POLR3B: variants seen among roughly 807,000 people sequenced by gnomAD.
POLR3B encodes RNA polymerase III subunit B.
In POLR3B, 96 loss-of-function variants were observed where a neutral mutation model predicts 147.4. That is an observed-to-expected ratio of 0.65 (90% CI 0.55 to 0.77). POLR3B has a LOEUF of 0.77. POLR3B is among the 30% of genes least tolerant of loss of function. The pLI, the probability that POLR3B is intolerant of heterozygous loss-of-function variation, is 0.00. For missense variants in POLR3B, 1,036 were observed against 1,413.5 expected, an observed-to-expected ratio of 0.73 and a Z score of 4.28; for synonymous variants, 461 against 485.9, an observed-to-expected ratio of 0.95 and a Z score of 0.67.
intron 23 of POLR3B, among the ~76,000 whole-genome samples, chr12:106,482,840 A>G (rs896441018): frequency 1.3e-5 from 2 of 152,196 alleles, no homozygotes; most frequent in African/African-American, 4.8e-5. Context: ...GATTTTACAT[A>G]TTCATTGGTC....
At chr12:106,493,937 G>C (rs1003743060) in intron 23 of POLR3B, among the ~76,000 whole-genome samples, 1 of 151,814 alleles carries the variant, frequency 6.6e-6, no homozygotes, top group African/African-American at 2.4e-5. Flanking sequence ...TTTAATTTTT[G>C]ACTTACAGGT....
chr12:106,358,346 G>C (rs569139084), intron 1 of POLR3B: 67 of 765,368 alleles, frequency 8.8e-5, no homozygotes, highest in Admixed American at 1.8e-4. Context: ...AGCCGGCTGT[G>C]GGGGTAAAAC....
intron 22 of POLR3B, among the ~76,000 whole-genome samples, chr12:106,463,269 G>GGATTAAATA (rs1186622702): frequency 3.9e-5 from 6 of 152,106 alleles, no homozygotes; most frequent in Admixed American, 2.6e-4. Context: ...AAATTGCACT[G>GGATTAAATA]TGCCTTCCTC....
chr12:106,378,323 T>C lies in POLR3B; in HGVS notation c.553T>C (p.Ser185Pro). Reference sequence around the variant, plus strand: ...AGTTATTCTTATCCAAGAGCAGCTGTCTAAGAACAGGATCATCGTGGAGGC... The same window carrying C: ...AGTTATTCTTATCCAAGAGCAGCTGCCTAAGAACAGGATCATCGTGGAGGC... ...EKVILIQEQL[S>P]KNRIIVEADR... The change falls in exon 8 of 28, where the codon TCT becomes CCT. Residue 185 changes from serine to proline, a missense_variant. Ser to Pro is a moderately conservative substitution (Grantham distance 74). Coordinates refer to ENST00000228347, the MANE Select transcript of POLR3B (RefSeq NM_018082.6). The C allele has an allele frequency of 6.2e-7, 1 of 1,613,946 alleles. No homozygotes were observed. The highest frequency in any genetic ancestry group is 8.5e-7 in the Non-Finnish European group (1 of 1,179,854).
intron 23 of POLR3B, among the ~76,000 whole-genome samples, chr12:106,492,227 A>G (rs1592772998): frequency 6.6e-6 from 1 of 152,094 alleles, no homozygotes; most frequent in African/African-American, 2.4e-5. Context: ...AGTATTTTTT[A>G]AAGGCCAAAA....
At chr12:106,460,309 A>G (rs2037917357) in intron 22 of POLR3B, among the ~76,000 whole-genome samples, 1 of 152,218 alleles carries the variant, frequency 6.6e-6, no homozygotes, top group African/African-American at 2.4e-5. Context: ...TGTTCTGGAC[A>G]TTTTACATGT....
intron 22 of POLR3B, among the ~76,000 whole-genome samples, chr12:106,460,421 G>A (rs2037918256): frequency 6.6e-6 from 1 of 152,182 alleles, no homozygotes; most frequent in Admixed American, 6.5e-5. Flanking sequence ...AACTTACCAA[G>A]GTCACACAGC....
At chr12:106,413,455 A>G (rs2037256224) in intron 12 of POLR3B, among the ~76,000 whole-genome samples, 1 of 152,116 alleles carries the variant, frequency 6.6e-6, no homozygotes, top group Non-Finnish European at 1.5e-5. Flanking sequence ...TGTCTGTAAA[A>G]ATGGGGTTCA....
intron 23 of POLR3B, among the ~76,000 whole-genome samples, chr12:106,465,899 T>C (rs534306370): frequency 6.6e-6 from 1 of 152,230 alleles, no homozygotes; most frequent in Non-Finnish European, 1.5e-5. Flanking sequence ...TCTTTACTAT[T>C]GTGAATAGTG....
At chr12:106,477,837 G>C (rs533474971) in intron 23 of POLR3B, among the ~76,000 whole-genome samples, 12 of 150,316 alleles carry the variant, frequency 8.0e-5, no homozygotes, top group Non-Finnish European at 1.6e-4. Flanking sequence ...CGTCGCTCAC[G>C]GGCTGGGAGC....
Position 106,427,179 on chromosome 12 carries a change from C to CT in POLR3B, c.1102-3dup, listed in dbSNP as rs202125845. On this transcript the variant is annotated splice_polypyrimidine_tract_variant and intron_variant, in intron 12 of 27. Transcript: ENST00000228347. ...TGCTTTTTGAAAAATCACCATATAC[C>CT]TTTTTTTTTTTTTTTAGCTTTTATC... The CT allele has an allele frequency of 0.17, 207,790 of 1,214,312 alleles. 3,767 individuals carry two copies. Among genetic ancestry groups the CT allele is most frequent in the African/African-American group, 0.23 (13,857 of 61,332 alleles). 75.2% of individuals were successfully genotyped at this position (1,214,312 alleles called of 1,614,324 possible). A position where few individuals can be genotyped will look rare whatever the true frequency, so the allele number is the denominator to read the frequency against.
In POLR3B at chr12:106,459,125, G is replaced by A. The variant is rs569324637; in HGVS notation, c.2453-126G>A. 7.1e-4 allele frequency: 501 copies of A among 709,426 alleles called. 1 individual carries two copies. Among genetic ancestry groups the A allele is most frequent in the Non-Finnish European group, 1.1e-3 (410 of 384,868 alleles). 43.9% of individuals were successfully genotyped at this position (709,426 alleles called of 1,614,324 possible). On this transcript the variant is annotated intron_variant, in intron 21 of 27. Transcript: ENST00000228347. ...CACTGCAGCCTCAACCTAGGTTCAA[G>A]CAGTCCTCCTACCGCAGCCTCCTGA... is the stretch of plus-strand genomic sequence containing the variant.
chr12:106,452,957 T>C (rs1311244544), intron 19 of POLR3B, among the ~76,000 whole-genome samples: 2 of 152,108 alleles, frequency 1.3e-5, no homozygotes, highest in East Asian at 3.8e-4. Context: ...ACATATGTAC[T>C]ATTTCTTTCA....
chr12:106,385,035 A>G (rs1463672654), intron 9 of POLR3B, among the ~76,000 whole-genome samples: 1 of 152,172 alleles, frequency 6.6e-6, no homozygotes, highest in East Asian at 1.9e-4. Flanking sequence ...CATGTTGGCT[A>G]GGCTGGTCTC....
At chr12:106,465,891 T>G (rs1302457818) in intron 23 of POLR3B, among the ~76,000 whole-genome samples, 1 of 152,196 alleles carries the variant, frequency 6.6e-6, no homozygotes. Flanking sequence ...GTTCCAAGTC[T>G]TTACTATTGT....
At chr12:106,418,470 G>C (rs1156300952) in intron 12 of POLR3B, among the ~76,000 whole-genome samples, 2 of 152,216 alleles carry the variant, frequency 1.3e-5, no homozygotes, top group Non-Finnish European at 2.9e-5. Context: ...GTGTGAAAAG[G>C]AGAATTTGGC....
intron 10 of POLR3B, among the ~76,000 whole-genome samples, chr12:106,396,280 A>G (rs1000743257): frequency 2.6e-5 from 4 of 152,198 alleles, no homozygotes; most frequent in Admixed American, 6.5e-5. Flanking sequence ...TGAACTGCCT[A>G]TCTACTCATG....
At chr12:106,480,878 T>C (rs919127477) in intron 23 of POLR3B, among the ~76,000 whole-genome samples, 1 of 151,220 alleles carries the variant, frequency 6.6e-6, no homozygotes, top group African/African-American at 2.4e-5. Flanking sequence ...TGAGAAAAGA[T>C]TGAAAGCTGG....
intron 12 of POLR3B, among the ~76,000 whole-genome samples, chr12:106,415,733 A>G (rs2037293566): frequency 6.6e-6 from 1 of 152,236 alleles, no homozygotes; most frequent in South Asian, 2.1e-4. Context: ...TAATGTTAGC[A>G]GTAAAAATAA....
Sources: allele counts gnomAD v4.1 joint callset (sites outside exome capture counted in the v4.1 genomes callset), GRCh38; gene constraint gnomAD v4.1.1; transcripts MANE v1.5; gene names NCBI Gene and HGNC (gene_info 2026-07-23, HGNC 2026-07-21).